MIDEAS: variants seen among roughly 807,000 people sequenced by gnomAD.
MIDEAS encodes the protein mitotic deacetylase associated SANT domain protein, also known as mitotic deacetylase-associated SANT domain protein.
A neutral mutation model predicts 102.7 loss-of-function variants in MIDEAS; 26 were observed. The ratio of observed to expected loss-of-function variants is 0.25; its 90% CI spans 0.19 to 0.35. The LOEUF is 0.35. Among genes scored for constraint, MIDEAS ranks in the 10% least tolerant of loss-of-function variants. The pLI, the probability that MIDEAS is intolerant of heterozygous loss-of-function variation, is 1.00. For missense variants in MIDEAS, 1,231 were observed against 1,435.6 expected, an observed-to-expected ratio of 0.86 and a Z score of 2.30; for synonymous variants, 585 against 591.0, an observed-to-expected ratio of 0.99 and a Z score of 0.15.
In MIDEAS at chr14:73,779,619, G is replaced by A. The variant is rs1242403592; in HGVS notation, c.-248+7483C>T. The stretch of plus-strand genomic sequence containing the variant: ...GGAGTCTCGCTCTGTCGCCCAGGCT[G>A]GACTGCGGACTGCAGTGGCGCAATC... On this transcript the variant is annotated intron_variant, in intron 1 of 11. Transcript: ENST00000394071. Among the ~76,000 whole-genome samples the A allele has an allele frequency of 7.0e-4, 92 of 132,294 alleles. 1 individual carries two copies. Among genetic ancestry groups the A allele is most frequent in the African/African-American group, 2.4e-3 (82 of 34,330 alleles). The allele number at this position is 132,294 out of a possible 152,430, so 86.8% of individuals were successfully genotyped here.
intron 1 of MIDEAS, 148 bp from the exon 2 acceptor site, chr14:73,740,403 G>A (rs1277091794): frequency 2.5e-6 from 1 of 397,170 alleles, no homozygotes; most frequent in Non-Finnish European, 4.4e-6. Flanking sequence ...GAGCAGCATT[G>A]GTGAGGCAGG....
intron 1 of MIDEAS, among the ~76,000 whole-genome samples, chr14:73,745,883 T>C (rs141557042): frequency 1.3e-5 from 2 of 152,218 alleles, no homozygotes; most frequent in Non-Finnish European, 2.9e-5. Context: ...AGAGGCCCTA[T>C]GGTCGGCCCA....
intron 1 of MIDEAS, chr14:73,758,860 T>C (rs1255155476): frequency 6.5e-6 from 1 of 154,434 alleles, no homozygotes; most frequent in Non-Finnish European, 1.5e-5. Context: ...GAAGTTCCCC[T>C]TCCTCCCCTA....
intron 1 of MIDEAS, among the ~76,000 whole-genome samples, chr14:73,776,656 G>A (rs2053691499): frequency 1.3e-5 from 2 of 151,848 alleles, no homozygotes; most frequent in African/African-American, 4.8e-5. Context: ...CAAGCTCTAT[G>A]AGAGACACCT....
chr14:73,785,815 A>C (rs1443656614), intron 1 of MIDEAS, among the ~76,000 whole-genome samples: 1 of 152,040 alleles, frequency 6.6e-6, no homozygotes, highest in Non-Finnish European at 1.5e-5. Flanking sequence ...TCCCGAGTCC[A>C]CCCCACATCT....
chr14:73,737,942 T>TG (rs1307488969), intron 2 of MIDEAS, among the ~76,000 whole-genome samples: 1 of 151,018 alleles, frequency 6.6e-6, no homozygotes, highest in East Asian at 2.0e-4. Context: ...GTACCACACC[T>TG]GGCTAATTTT....
At position 73,727,401 on chromosome 14, in the gene MIDEAS, C is replaced by T; in HGVS notation, c.2162+57G>A. 1.9e-6 allele frequency: 3 copies of T among 1,583,816 alleles called. No individual in the cohort carries two copies. In the South Asian group the frequency reaches 3.3e-5, roughly 18 times the overall value. ...CTGTTGCTCCCAGGGCCCACCTGCA[C>T]ACACTGCACCAGTGTGGCCACCCAC... On this transcript the variant is annotated intron_variant, in intron 5 of 12. Coordinates refer to ENST00000423556, the MANE Select transcript of MIDEAS (RefSeq NM_001367710.1).
intron 1 of MIDEAS, among the ~76,000 whole-genome samples, chr14:73,751,482 A>C (rs1226539133): frequency 6.6e-6 from 1 of 152,192 alleles, no homozygotes; most frequent in Non-Finnish European, 1.5e-5. Flanking sequence ...GAAGGTGAAG[A>C]GGCTACAGGT....
At chr14:73,785,224 G>A (rs1219443645) in intron 1 of MIDEAS, among the ~76,000 whole-genome samples, 5 of 152,158 alleles carry the variant, frequency 3.3e-5, no homozygotes, top group South Asian at 2.1e-4. Flanking sequence ...TCCAATACAC[G>A]CCTTTTTTAC....
At position 73,738,868 on chromosome 14, in the gene MIDEAS, G is replaced by C. The variant is rs761761619; in HGVS notation, c.1141C>G (p.Pro381Ala). ...ATGNLFLHHWPLQQPPPGSLG... is the reference protein window; with the variant it reads ...ATGNLFLHHWALQQPPPGSLG... The stretch of plus-strand genomic sequence containing the variant: ...GAGCCAGGTGGCGGCTGCTGCAGGG[G>C]CCAGTGATGTAGGAACAGGTTGCCA... The change falls in exon 2 of 13, where the codon CCC becomes GCC. Residue 381 changes from proline to alanine, a missense_variant. Around this residue, in one of 5 missense-constraint regions of MIDEAS, gnomAD observed 758 missense variants for 856.0 expected, o/e 0.89. Transcript: ENST00000423556. 1.3e-6 allele frequency: 2 copies of C among 1,568,510 alleles called. No homozygotes were observed. The highest frequency in any genetic ancestry group is 1.9e-5 in the Admixed American group (1 of 53,824).
At position 73,736,987 on chromosome 14, in the gene MIDEAS, G is replaced by A. The variant is rs8007548; in HGVS notation, c.1749+11C>T. 463,113 of 1,604,830 alleles carry A rather than the reference G, an allele frequency of 0.29. 74,710 individuals are homozygous for A. The highest frequency in any genetic ancestry group is 0.33 in the Non-Finnish European group (389,071 of 1,173,428). On this transcript the variant is annotated intron_variant, in intron 3 of 12. Coordinates refer to ENST00000423556, the MANE Select transcript of MIDEAS (RefSeq NM_001367710.1). ...CGCGCTGGAGGTGTTTAGAAGGGGC[G>A]CCTCTCATACCTGAGCTTGAGCATC...
upstream of MIDEAS, among the ~76,000 whole-genome samples, chr14:73,761,686 A>G (rs1470322032): frequency 6.6e-6 from 1 of 152,210 alleles, no homozygotes; most frequent in Non-Finnish European, 1.5e-5. Context: ...TACAAAAAAA[A>G]GCCCGGGCTC....
chr14:73,775,787 G>A (rs1320670206), intron 1 of MIDEAS, among the ~76,000 whole-genome samples: 2 of 152,090 alleles, frequency 1.3e-5, no homozygotes, highest in South Asian at 4.2e-4. Flanking sequence ...CAGAAGATCT[G>A]AGGGCAAGAC....
At chr14:73,732,627 G>C (rs998588632) in intron 3 of MIDEAS, among the ~76,000 whole-genome samples, 8 of 145,212 alleles carry the variant, frequency 5.5e-5, no homozygotes, top group African/African-American at 1.3e-4. Flanking sequence ...CTCTACTAAA[G>C]ATACAAAAAT....
At chr14:73,787,132 G>A (rs1274893615) in exon 1 of MIDEAS, 1 of 149,702 alleles carries the variant, frequency 6.7e-6, no homozygotes, top group Non-Finnish European at 1.5e-5. Flanking sequence ...CTGCTCGGAG[G>A]GGTGCGGGGC....
Position 73,739,302 on chromosome 14 carries a change from G to A in MIDEAS, c.707C>T (p.Pro236Leu), listed in dbSNP as rs554264901. ...NRQVFRQGPP[P>L]PNPVAAFPPQ... The stretch of plus-strand genomic sequence containing the variant: ...AGGGAAGGCAGCCACCGGGTTTGGG[G>A]GCGGTGGGCCCTGCCGGAAGACCTG... Residue 236 changes from proline to leucine, a missense_variant, in exon 2 of 13, where the codon CCC becomes CTC. By Grantham distance (98) the Pro-to-Leu change is moderately conservative. Transcript: ENST00000423556. The A allele has an allele frequency of 4.3e-6, 7 of 1,611,564 alleles. No individual in the cohort carries two copies. In the African/African-American group the frequency reaches 8.0e-5, roughly 18 times the overall value.
chr14:73,778,091 A>G (rs1480985251), intron 1 of MIDEAS, among the ~76,000 whole-genome samples: 1 of 151,954 alleles, frequency 6.6e-6, no homozygotes, highest in Non-Finnish European at 1.5e-5. Context: ...GTGGTGGCTC[A>G]CACCTGTAAT....
At chr14:73,749,995 G>C (rs1335663670) in intron 1 of MIDEAS, among the ~76,000 whole-genome samples, 1 of 152,186 alleles carries the variant, frequency 6.6e-6, no homozygotes, top group African/African-American at 2.4e-5. Context: ...GATTGCAACA[G>C]CTTGTCAGGC....
chr14:73,719,222 T>TCCCCCGGGCCC, intron 12 of MIDEAS, 83 bp downstream of exon 12: 1 of 1,497,118 alleles, frequency 6.7e-7, no homozygotes, highest in African/African-American at 1.4e-5. Context: ...CTGTACCTCT[T>TCCCCCGGGCCC]CCCCCTCCCC....
Sources: gnomAD v4.1 joint callset for allele counts (sites outside exome capture counted in the v4.1 genomes callset) on GRCh38, gnomAD v4.1.1 for gene constraint, gnomAD v4.1.1 regional missense constraint, MANE v1.5 for transcripts, NCBI Gene and HGNC (gene_info 2026-07-23, HGNC 2026-07-21) for gene names.